Variants in TP53BP2 observed in about 807,000 individuals in gnomAD.
TP53BP2 encodes tumor protein p53 binding protein 2.
Under a neutral mutation model 126.2 loss-of-function variants are expected in TP53BP2, and 62 were observed. The ratio of observed to expected loss-of-function variants is 0.49; its 90% CI spans 0.40 to 0.61. The LOEUF (loss-of-function observed/expected upper bound fraction) is 0.61, where lower values mean the gene tolerates loss of function less well. TP53BP2 is among the 20% of genes least tolerant of loss of function. The pLI, the probability that TP53BP2 is intolerant of heterozygous loss-of-function variation, is 0.00. For missense variants in TP53BP2, 1,215 were observed against 1,402.8 expected, an observed-to-expected ratio of 0.87 and a Z score of 2.14; for synonymous variants, 485 against 502.9, an observed-to-expected ratio of 0.96 and a Z score of 0.48.
chr1:223,797,721 A>ACC lies in TP53BP2; in HGVS notation c.1948+493_1948+494insGG, dbSNP rs1312312473. On this transcript the variant is annotated intron_variant, in intron 12 of 17. Coordinates refer to ENST00000343537, the MANE Select transcript of TP53BP2 (RefSeq NM_001031685.3). Reference sequence around the variant, plus strand: ...CCACTGCGCCCAGCCACAGTTATATATAAAGACATATAGACACAGACACAC... The same window carrying ACC: ...CCACTGCGCCCAGCCACAGTTATATACCTAAAGACATATAGACACAGACACAC... Among the ~76,000 whole-genome samples, 644 of 152,154 alleles carry ACC rather than the reference A, an allele frequency of 4.2e-3. 26 individuals are homozygous for ACC. In the East Asian group the frequency reaches 0.1, roughly 25 times the overall value.
Position 223,780,418 on chromosome 1 carries a change from G to A in TP53BP2, c.*435C>T, listed in dbSNP as rs915219376. Reference sequence around the variant, plus strand: ...AGGTGAGCCCCCCAAGGGCCTGCTGGTGCCGGGGACAATCAGAGACAGCGA... The same window carrying A: ...AGGTGAGCCCCCCAAGGGCCTGCTGATGCCGGGGACAATCAGAGACAGCGA... On this transcript the variant is annotated 3_prime_UTR_variant, in exon 18 of 18. Transcript: ENST00000343537. The A allele has an allele frequency of 6.3e-6, 1 of 159,930 alleles. No individual in the cohort carries two copies. The highest frequency in any genetic ancestry group is 1.4e-5 in the Non-Finnish European group (1 of 73,198). 9.9% of individuals were successfully genotyped at this position (159,930 alleles called of 1,614,324 possible). A position where few individuals can be genotyped will look rare whatever the true frequency, so the allele number is the denominator to read the frequency against.
chr1:223,831,680 T>C (rs1663736723), intron 1 of TP53BP2, among the ~76,000 whole-genome samples: 1 of 150,374 alleles, frequency 6.7e-6, no homozygotes, highest in African/African-American at 2.4e-5. Flanking sequence ...AATATTTCAT[T>C]AAAAATGGTA....
chr1:223,802,920 G>C (rs758489822), intron 7 of TP53BP2, 25 bp from the exon 8 acceptor site: 6 of 1,612,886 alleles, frequency 3.7e-6, no homozygotes, highest in Non-Finnish European at 5.1e-6. Context: ...GGGGAAAAAA[G>C]GTAGCCAAGG....
intron 10 of TP53BP2, among the ~76,000 whole-genome samples, 184 bp from the exon 11 acceptor site, chr1:223,800,231 T>G (rs1021450529): frequency 1.3e-5 from 2 of 151,660 alleles, no homozygotes; most frequent in Admixed American, 6.6e-5. Flanking sequence ...GTTCTCCAGC[T>G]AAATTAAGGT....
intron 5 of TP53BP2, among the ~76,000 whole-genome samples, chr1:223,804,872 T>A (rs575904196): frequency 1.3e-5 from 2 of 152,328 alleles, no homozygotes; most frequent in African/African-American, 4.8e-5. Context: ...TAGTGAAGAT[T>A]AAATGAAGTG....
chr1:223,836,709 A>T (rs1663935336), intron 1 of TP53BP2, among the ~76,000 whole-genome samples: 1 of 152,118 alleles, frequency 6.6e-6, no homozygotes, highest in Non-Finnish European at 1.5e-5. Context: ...ATAGATAAGG[A>T]GAGCATTACA....
chr1:223,821,517 G>A (rs374631229), intron 1 of TP53BP2, 150 bp from the exon 2 acceptor site: 3 of 1,050,348 alleles, frequency 2.9e-6, no homozygotes, highest in Non-Finnish European at 4.4e-6. Flanking sequence ...GGTGAGGTGT[G>A]GACTGGGGGT....
At chr1:223,835,810 T>C (rs533146083) in intron 1 of TP53BP2, among the ~76,000 whole-genome samples, 3 of 152,250 alleles carry the variant, frequency 2.0e-5, no homozygotes, top group Admixed American at 2.0e-4. Flanking sequence ...ACAGAGCTTA[T>C]GGAACAATGA....
chr1:223,815,485 T>C (rs1329909691), intron 2 of TP53BP2, among the ~76,000 whole-genome samples: 1 of 152,154 alleles, frequency 6.6e-6, no homozygotes, highest in East Asian at 1.9e-4. Flanking sequence ...ACACACATGC[T>C]GTACTCAAAA....
In TP53BP2 at chr1:223,803,461, G is replaced by C. The variant is rs746326346; in HGVS notation, c.650-9C>G. 3.0e-5 allele frequency: 48 copies of C among 1,594,568 alleles called. No individual in the cohort carries two copies. The highest frequency in any genetic ancestry group is 1.7e-6 in the Non-Finnish European group (2 of 1,169,178). ...CTGTTCAATTTCCTCCACTAGATGA[G>C]ACAGAGAACAGCAACAACAGTTGAA... On this transcript the variant is annotated splice_polypyrimidine_tract_variant and intron_variant, in intron 6 of 17. Transcript: ENST00000343537.
chr1:223,808,899 T>G (rs1184877162), intron 4 of TP53BP2, among the ~76,000 whole-genome samples: 1 of 152,124 alleles, frequency 6.6e-6, no homozygotes, highest in East Asian at 1.9e-4. Context: ...GAAATACAAA[T>G]TAAAACCACA....
intron 1 of TP53BP2, among the ~76,000 whole-genome samples, chr1:223,834,420 T>C (rs966835573): frequency 1.3e-5 from 2 of 152,146 alleles, no homozygotes; most frequent in South Asian, 4.1e-4. Context: ...TCTGAGTAAT[T>C]TGCTGCAAAT....
intron 1 of TP53BP2, among the ~76,000 whole-genome samples, chr1:223,824,351 ATGAACAGTAAG>A (rs1257257006): frequency 6.6e-6 from 1 of 152,216 alleles, no homozygotes; most frequent in Non-Finnish European, 1.5e-5. Context: ...TAACACTGGT[ATGAACAGTAAG>A]TGTACGAGTT....
intron 13 of TP53BP2, among the ~76,000 whole-genome samples, chr1:223,794,144 A>G (rs1486963550): frequency 6.6e-6 from 1 of 152,272 alleles, no homozygotes; most frequent in South Asian, 2.1e-4. Flanking sequence ...TAAACTTTTA[A>G]TGAATCGGAC....
In TP53BP2 at chr1:223,844,839, C is replaced by A. The variant is rs566001523; in HGVS notation, c.27+815G>T. ...TGGAGCCACAAGCATAGGATGCCTG[C>A]AAGATGTCCCCACTTCAGTGGGAGA... is the stretch of plus-strand genomic sequence containing the variant. On this transcript the variant is annotated intron_variant, in intron 1 of 17. Coordinates refer to ENST00000343537, the MANE Select transcript of TP53BP2 (RefSeq NM_001031685.3). 1.1e-3 allele frequency among the ~76,000 whole-genome samples: 170 copies of A among 152,324 alleles called. 1 individual carries two copies. Among genetic ancestry groups the A allele is most frequent in the African/African-American group, 3.9e-3 (162 of 41,574 alleles).
intron 1 of TP53BP2, among the ~76,000 whole-genome samples, chr1:223,831,481 ATAT>A (rs1199844365): frequency 2.1e-3 from 75 of 35,460 alleles, no homozygotes; most frequent in Non-Finnish European, 2.8e-3. Flanking sequence ...AAAAAAAAAA[ATAT>A]ATATATATAT....
intron 1 of TP53BP2, among the ~76,000 whole-genome samples, chr1:223,837,535 A>G (rs1663963001): frequency 6.6e-6 from 1 of 152,156 alleles, no homozygotes; most frequent in East Asian, 1.9e-4. Context: ...GGGTCACTAA[A>G]ACAATTTATT....
In TP53BP2 at chr1:223,793,423, C is replaced by A. The variant is rs779254979; in HGVS notation, c.2742G>T (p.Leu914Phe). 1 of 1,591,386 alleles carries A rather than the reference C, an allele frequency of 6.3e-7. No homozygotes were observed. The highest frequency in any genetic ancestry group is 1.8e-5 in the Admixed American group (1 of 55,064). ...CGATACGCTCTGAGCCAGTTTTACG[C>A]AAGTTTGTCCTTTTACCCTGCAAAG... ...VSLPPGKRTN[L>F]RKTGSERIAH... The change falls in exon 14 of 18, where the codon TTG becomes TTT. Residue 914 changes from leucine to phenylalanine, a missense_variant. Physicochemically the swap from Leu to Phe is conservative, Grantham distance 22. Transcript: ENST00000343537.
chr1:223,781,331 T>C (rs1327796906), intron 17 of TP53BP2, among the ~76,000 whole-genome samples: 1 of 152,236 alleles, frequency 6.6e-6, no homozygotes, highest in African/African-American at 2.4e-5. Context: ...GGACATGACA[T>C]TGTGTCATGG....
Sources: gnomAD v4.1 joint callset for allele counts (sites outside exome capture counted in the v4.1 genomes callset) on GRCh38, gnomAD v4.1.1 for gene constraint, MANE v1.5 for transcripts, NCBI Gene and HGNC (gene_info 2026-07-23, HGNC 2026-07-21) for gene names.